Variants in SPIRE1 observed in about 807,000 individuals in gnomAD.
SPIRE1 encodes the protein protein spire homolog 1.
Under a neutral mutation model 94.1 loss-of-function variants are expected in SPIRE1, and 40 were observed. The observed-to-expected ratio is 0.43, with a 90% CI of 0.33 to 0.55. The LOEUF (loss-of-function observed/expected upper bound fraction) is 0.55. SPIRE1 is among the 20% of genes least tolerant of loss of function. The pLI, the probability that SPIRE1 is intolerant of heterozygous loss-of-function variation, is 0.06. For missense variants in SPIRE1, 838 were observed against 975.2 expected, an observed-to-expected ratio of 0.86 and a Z score of 1.87; for synonymous variants, 376 against 371.7, an observed-to-expected ratio of 1.01 and a Z score of -0.13.
At chr18:12,603,552 C>T (rs2036893931) in intron 2 of SPIRE1, among the ~76,000 whole-genome samples, 1 of 150,108 alleles carries the variant, frequency 6.7e-6, no homozygotes, top group Admixed American at 6.7e-5. Context: ...AGGCTGACGT[C>T]TGAGCTGATC....
intron 8 of SPIRE1, 65 bp from the exon 9 acceptor site, chr18:12,486,065 CA>C: frequency 2.4e-6 from 3 of 1,261,492 alleles, no homozygotes; most frequent in Admixed American, 2.7e-5. Flanking sequence ...ACAGAGAGGA[CA>C]AAAAAGGGAA....
At chr18:12,459,085 T>C (rs956760847) in intron 12 of SPIRE1, among the ~76,000 whole-genome samples, 7 of 152,378 alleles carry the variant, frequency 4.6e-5, no homozygotes, top group South Asian at 2.1e-4. Context: ...TAGAGCTTTT[T>C]ATTTCACGTA....
At chr18:12,602,811 G>A (rs947689549) in intron 2 of SPIRE1, among the ~76,000 whole-genome samples, 1 of 152,200 alleles carries the variant, frequency 6.6e-6, no homozygotes, top group African/African-American at 2.4e-5. Flanking sequence ...TGCCTGCTCA[G>A]GGATTGGATC....
chr18:12,590,370 G>A (rs183331596), intron 2 of SPIRE1, among the ~76,000 whole-genome samples: 185 of 152,206 alleles, frequency 1.2e-3, no homozygotes, highest in Admixed American at 1.8e-3. Flanking sequence ...GATTACAGAC[G>A]TGAGCCACCG....
intron 4 of SPIRE1, among the ~76,000 whole-genome samples, chr18:12,517,287 A>G (rs1423191690): frequency 2.0e-5 from 3 of 152,164 alleles, no homozygotes; most frequent in African/African-American, 7.2e-5. Context: ...TACTAAGTGA[A>G]TTTGTTTTGC....
intron 10 of SPIRE1, among the ~76,000 whole-genome samples, chr18:12,472,345 T>TA (rs758374689): frequency 1.3e-5 from 2 of 150,152 alleles, no homozygotes; most frequent in Non-Finnish European, 3.0e-5. Flanking sequence ...ACAAAACCAT[T>TA]ATAGCGACAC....
chr18:12,630,236 C>T (rs2037738724), intron 2 of SPIRE1, among the ~76,000 whole-genome samples: 1 of 152,168 alleles, frequency 6.6e-6, no homozygotes, highest in African/African-American at 2.4e-5. Context: ...ATTTTGTTCT[C>T]CCTGGGAGTC....
intron 13 of SPIRE1, 23 bp from the exon 14 acceptor site, chr18:12,453,161 GA>G (rs750395503): frequency 2.6e-5 from 41 of 1,561,940 alleles, no homozygotes; most frequent in South Asian, 1.9e-4. Context: ...AATTTAAGAG[GA>G]AAAAAAACAT....
intron 2 of SPIRE1, among the ~76,000 whole-genome samples, chr18:12,567,608 C>T (rs1253882190): frequency 1.3e-5 from 2 of 152,106 alleles, no homozygotes; most frequent in Non-Finnish European, 2.9e-5. Flanking sequence ...TCTGATTACT[C>T]CTTTTTCCCC....
chr18:12,636,691 A>T (rs1158227909), intron 1 of SPIRE1, among the ~76,000 whole-genome samples: 5 of 152,172 alleles, frequency 3.3e-5, no homozygotes, highest in Admixed American at 3.3e-4. Flanking sequence ...CATATATATA[A>T]AATGAGCTTA....
intron 1 of SPIRE1, among the ~76,000 whole-genome samples, chr18:12,647,385 T>C (rs1227722866): frequency 2.0e-5 from 3 of 152,234 alleles, no homozygotes; most frequent in Non-Finnish European, 4.4e-5. Flanking sequence ...ATCCAGTAAG[T>C]CGATATTTGA....
At chr18:12,507,507 T>A (rs2143990435) in intron 5 of SPIRE1, among the ~76,000 whole-genome samples, 1 of 152,102 alleles carries the variant, frequency 6.6e-6, no homozygotes, top group East Asian at 1.9e-4. Flanking sequence ...GAGACCAGCC[T>A]GACCAACATG....
At chr18:12,570,725 C>T (rs1452328106) in intron 2 of SPIRE1, among the ~76,000 whole-genome samples, 1 of 152,146 alleles carries the variant, frequency 6.6e-6, no homozygotes, top group East Asian at 1.9e-4. Flanking sequence ...TCCCACAGAG[C>T]CGCACACCTG....
intron 2 of SPIRE1, among the ~76,000 whole-genome samples, chr18:12,620,941 C>G (rs1333833518): frequency 1.3e-5 from 2 of 152,018 alleles, no homozygotes; most frequent in Non-Finnish European, 2.9e-5. Flanking sequence ...AGAACTCTTA[C>G]AATTCAATAA....
chr18:12,574,845 T>C (rs1032920732), intron 2 of SPIRE1, among the ~76,000 whole-genome samples: 18 of 152,232 alleles, frequency 1.2e-4, no homozygotes, highest in South Asian at 2.1e-4. Context: ...AACTGTGGTA[T>C]CACAAAAACC....
At chr18:12,488,885 A>G (rs1035033846) in intron 8 of SPIRE1, among the ~76,000 whole-genome samples, 3 of 152,176 alleles carry the variant, frequency 2.0e-5, no homozygotes, top group Non-Finnish European at 2.9e-5. Context: ...TTTTGTGTTG[A>G]TAAGAATAAT....
At position 12,537,608 on chromosome 18, in the gene SPIRE1, C is replaced by G. The variant is rs1166016386; in HGVS notation, c.604-2007G>C. ...TGTTTTTTTAAATGCATATGACAAT[C>G]TTACACATAAAAAATCTAAAGGAAT... is the stretch of plus-strand genomic sequence containing the variant. On this transcript the variant is annotated intron_variant, in intron 3 of 16. Transcript: ENST00000409402. Among the ~76,000 whole-genome samples, 8 of 152,092 alleles carry G rather than the reference C, an allele frequency of 5.3e-5. 1 individual carries two copies. Among genetic ancestry groups the G allele is most frequent in the Non-Finnish European group, 1.0e-4 (7 of 68,006 alleles).
At chr18:12,538,039 C>T (rs60419847) in intron 3 of SPIRE1, among the ~76,000 whole-genome samples, 2,867 of 152,100 alleles carry the variant, frequency 0.019, 95 homozygotes, top group African/African-American at 0.065. Flanking sequence ...CCCCTTGCAA[C>T]AACCCAATTT....
intron 2 of SPIRE1, among the ~76,000 whole-genome samples, chr18:12,556,864 C>A (rs757261789): frequency 1.3e-5 from 2 of 152,160 alleles, no homozygotes; most frequent in Non-Finnish European, 2.9e-5. Context: ...GGGACCCCAG[C>A]GGGTTGCCAC....
Sources: gnomAD v4.1 joint callset for allele counts (sites outside exome capture counted in the v4.1 genomes callset) on GRCh38, gnomAD v4.1.1 for gene constraint, MANE v1.5 for transcripts, NCBI Gene and HGNC (gene_info 2026-07-23, HGNC 2026-07-21) for gene names.